NAALADL2: variants seen among roughly 807,000 people sequenced by gnomAD.
NAALADL2 encodes the protein inactive N-acetylated-alpha-linked acidic dipeptidase-like protein 2.
A neutral mutation model predicts 87.2 loss-of-function variants in NAALADL2; 76 were observed. The observed-to-expected ratio is 0.87, with a 90% CI of 0.72 to 1.05. The LOEUF is 1.05. NAALADL2 is among the 50% of genes least tolerant of loss of function. The pLI is 0.00. For missense variants in NAALADL2, 1,089 were observed against 945.8 expected, an observed-to-expected ratio of 1.15 and a Z score of -1.99; for synonymous variants, 354 against 331.0, an observed-to-expected ratio of 1.07 and a Z score of -0.75.
intron 2 of NAALADL2, among the ~76,000 whole-genome samples, chr3:175,148,625 T>C (rs1002883805): frequency 6.6e-6 from 1 of 152,182 alleles, no homozygotes; most frequent in Admixed American, 6.6e-5. Flanking sequence ...TTGGCTATGA[T>C]GAAAGGTAGG....
intron 9 of NAALADL2, among the ~76,000 whole-genome samples, chr3:175,564,015 A>G (rs1716708940): frequency 1.3e-5 from 2 of 152,152 alleles, no homozygotes; most frequent in Admixed American, 6.6e-5. Context: ...ATTACTGCTG[A>G]TGGCGTTATT....
chr3:175,379,897 T>C (rs571005945), intron 5 of NAALADL2, among the ~76,000 whole-genome samples: 1 of 152,188 alleles, frequency 6.6e-6, no homozygotes, highest in East Asian at 1.9e-4. Context: ...GTATGTTTAC[T>C]CAGAGAAGCA....
intron 2 of NAALADL2, among the ~76,000 whole-genome samples, chr3:174,679,453 CAT>C (rs1171362839): frequency 2.0e-5 from 3 of 152,106 alleles, no homozygotes; most frequent in African/African-American, 7.2e-5. Context: ...ACATGTTAAA[CAT>C]ATTTTATATT....
chr3:175,381,876 C>T (rs958996533), intron 5 of NAALADL2, among the ~76,000 whole-genome samples: 5 of 152,086 alleles, frequency 3.3e-5, no homozygotes, highest in African/African-American at 9.7e-5. Flanking sequence ...AGCGGGCCTG[C>T]ATGCTGGGAT....
chr3:175,050,305 C>G (rs774998097), intron 1 of NAALADL2, among the ~76,000 whole-genome samples: 7 of 151,948 alleles, frequency 4.6e-5, no homozygotes, highest in Admixed American at 2.6e-4. Context: ...TCTTGTTGCC[C>G]AGGCTGGAGT....
At chr3:175,704,412 C>T (rs1739394688) in intron 11 of NAALADL2, among the ~76,000 whole-genome samples, 1 of 152,122 alleles carries the variant, frequency 6.6e-6, no homozygotes, top group Non-Finnish European at 1.5e-5. Flanking sequence ...AACCCCTTTT[C>T]TTAGAGCCAC....
chr3:174,640,971 C>T (rs1000377409), intron 2 of NAALADL2, among the ~76,000 whole-genome samples: 3 of 152,176 alleles, frequency 2.0e-5, no homozygotes, highest in African/African-American at 7.2e-5. Context: ...GTAGCAGAGA[C>T]CGTTCCTTCC....
At chr3:175,506,815 A>T (rs1053212503) in intron 9 of NAALADL2, among the ~76,000 whole-genome samples, 4 of 152,110 alleles carry the variant, frequency 2.6e-5, no homozygotes, top group African/African-American at 9.7e-5. Context: ...AATTCTCCAT[A>T]CTTGGTTATT....
At chr3:174,746,360 A>G (rs1262108004) in intron 3 of NAALADL2, among the ~76,000 whole-genome samples, 3 of 152,186 alleles carry the variant, frequency 2.0e-5, no homozygotes, top group African/African-American at 7.2e-5. Flanking sequence ...ATACCTAGGA[A>G]TATGGCTAAC....
chr3:175,454,021 C>T (rs1375827583), intron 6 of NAALADL2, among the ~76,000 whole-genome samples: 2 of 151,980 alleles, frequency 1.3e-5, no homozygotes, highest in African/African-American at 4.8e-5. Context: ...TTTTGGAGCA[C>T]TGTTTGTATT....
intron 13 of NAALADL2, among the ~76,000 whole-genome samples, chr3:175,764,536 A>ACAAAGGAAATTATTTC: frequency 1.1e-5 from 1 of 94,550 alleles, no homozygotes; most frequent in Admixed American, 1.1e-4. Context: ...AATCCAAGCC[A>ACAAAGGAAATTATTTC]AGACCATTTT....
intron 3 of NAALADL2, among the ~76,000 whole-genome samples, chr3:174,746,411 C>T (rs1734255231): frequency 6.6e-6 from 1 of 152,124 alleles, no homozygotes; most frequent in Non-Finnish European, 1.5e-5. Context: ...CTACAAACCA[C>T]TGCTCAAGGA....
At chr3:174,646,585 G>C (rs565417049) in intron 2 of NAALADL2, among the ~76,000 whole-genome samples, 13 of 143,392 alleles carry the variant, frequency 9.1e-5, no homozygotes, top group Non-Finnish European at 4.5e-5. Context: ...TTAAAATTAA[G>C]AATTCTTTTA....
intron 2 of NAALADL2, among the ~76,000 whole-genome samples, chr3:174,717,242 A>G (rs1351366160): frequency 6.6e-6 from 1 of 152,142 alleles, no homozygotes; most frequent in South Asian, 2.1e-4. Context: ...GTGACTCTCT[A>G]TTTTTTTAAT....
At chr3:174,631,162 A>G (rs1722075594) in intron 2 of NAALADL2, among the ~76,000 whole-genome samples, 1 of 152,158 alleles carries the variant, frequency 6.6e-6, no homozygotes, top group Non-Finnish European at 1.5e-5. Context: ...CTTCTGACTT[A>G]TTCCATAGAT....
At chr3:175,671,810 A>G (rs927073265) in intron 11 of NAALADL2, among the ~76,000 whole-genome samples, 1 of 152,020 alleles carries the variant, frequency 6.6e-6, no homozygotes, top group African/African-American at 2.4e-5. Flanking sequence ...AATGGAAATA[A>G]TGTTACTATT....
chr3:174,589,843 G>A (rs1347720944), intron 2 of NAALADL2, among the ~76,000 whole-genome samples: 1 of 148,746 alleles, frequency 6.7e-6, no homozygotes, highest in Non-Finnish European at 1.5e-5. Flanking sequence ...TAATAGGGTT[G>A]TTGTTGTTGC....
At chr3:175,487,821 G>C (rs756984963) in intron 9 of NAALADL2, among the ~76,000 whole-genome samples, 10 of 152,154 alleles carry the variant, frequency 6.6e-5, no homozygotes, top group East Asian at 5.8e-4. Context: ...TCCAGATATG[G>C]TAAGTAACTT....
At chr3:175,233,807 T>C in intron 2 of NAALADL2, 124 bp from the exon 3 acceptor site, 2 of 628,280 alleles carry the variant, frequency 3.2e-6, no homozygotes, top group Non-Finnish European at 5.6e-6. Context: ...GATAGGGTCC[T>C]GTCTCATTCA....
Sources: allele counts gnomAD v4.1 joint callset (sites outside exome capture counted in the v4.1 genomes callset), GRCh38; gene constraint gnomAD v4.1.1; transcripts MANE v1.5; gene names NCBI Gene and HGNC (gene_info 2026-07-23, HGNC 2026-07-21).